CSMD1: variants seen among roughly 807,000 people sequenced by gnomAD.
CSMD1 encodes the protein CUB and Sushi multiple domains 1.
CSMD1 carries 213 observed loss-of-function variants against 417.5 expected under a neutral mutation model. That is an observed-to-expected ratio of 0.51 (90% CI 0.46 to 0.57). CSMD1 has a LOEUF of 0.57. Ranked by LOEUF, CSMD1 falls within the 20% of genes least tolerant of loss-of-function variation. CSMD1 has a pLI of 0.00. For missense variants in CSMD1, 6,923 were observed against 4,529.7 expected (o/e 1.53, Z -15.17); for synonymous variants, 2,862 against 1,736.8 (o/e 1.65, Z -16.11).
chr8:3,399,000 CCAG>C (rs1811871841), intron 16 of CSMD1, among the ~76,000 whole-genome samples: 1 of 152,186 alleles, frequency 6.6e-6, no homozygotes, highest in African/African-American at 2.4e-5. Flanking sequence ...GCAGCCACCA[CCAG>C]AACAGGAGAG....
intron 1 of CSMD1, among the ~76,000 whole-genome samples, chr8:4,728,162 A>C (rs927513957): frequency 2.0e-5 from 3 of 147,290 alleles, no homozygotes; most frequent in African/African-American, 7.4e-5. Flanking sequence ...TATATATTTT[A>C]TATATATATT....
chr8:3,933,902 C>A (rs1056650790), intron 5 of CSMD1, among the ~76,000 whole-genome samples: 1 of 151,956 alleles, frequency 6.6e-6, no homozygotes, highest in Non-Finnish European at 1.5e-5. Flanking sequence ...CTCTAGGCCA[C>A]CTAGTAAATA....
At chr8:4,083,636 A>G (rs12679028) in intron 3 of CSMD1, among the ~76,000 whole-genome samples, 1 of 152,026 alleles carries the variant, frequency 6.6e-6, no homozygotes, top group East Asian at 1.9e-4. Flanking sequence ...CTGGCTAGCC[A>G]TATGTAGAAA....
At position 3,404,211 on chromosome 8, in the gene CSMD1, G is replaced by T. The variant is rs1029192111; in HGVS notation, c.2266+1816C>A. ...TAGCCAGGCGTGGTGGCAGGTGTCT[G>T]TAGTCCCAGTTACTCAGGAAGGCTG... On this transcript the variant is annotated intron_variant, in intron 15 of 69. Transcript: ENST00000635120. 1.8e-4 allele frequency among the ~76,000 whole-genome samples: 28 copies of T among 152,070 alleles called. 1 individual carries two copies. Among genetic ancestry groups the T allele is most frequent in the Non-Finnish European group, 2.9e-5 (2 of 68,028 alleles).
At chr8:4,005,699 T>G (rs192985023) in intron 4 of CSMD1, among the ~76,000 whole-genome samples, 98 of 152,222 alleles carry the variant, frequency 6.4e-4, no homozygotes, top group African/African-American at 2.2e-3. Flanking sequence ...AGAAGAACTT[T>G]CAAGACTCCC....
chr8:4,031,795 G>C (rs139305949), intron 4 of CSMD1, 110 bp downstream of exon 4: 9 of 773,918 alleles, frequency 1.2e-5, no homozygotes, highest in Non-Finnish European at 1.8e-5. Context: ...CATTGTAAGA[G>C]TCAGCTCAAC....
At chr8:3,496,573 T>C (rs1472761548) in intron 10 of CSMD1, among the ~76,000 whole-genome samples, 3 of 152,142 alleles carry the variant, frequency 2.0e-5, no homozygotes, top group Admixed American at 1.3e-4. Context: ...CTATTTTCAT[T>C]TCCCAGCACT....
intron 12 of CSMD1, among the ~76,000 whole-genome samples, chr8:3,443,868 C>G (rs2117073104): frequency 6.6e-6 from 1 of 152,214 alleles, no homozygotes; most frequent in Admixed American, 6.5e-5. Flanking sequence ...GTATTGCTTT[C>G]AAATTTTTCA....
intron 43 of CSMD1, among the ~76,000 whole-genome samples, chr8:3,109,184 G>C (rs1466127034): frequency 6.6e-6 from 1 of 152,296 alleles, no homozygotes; most frequent in African/African-American, 2.4e-5. Context: ...AGAATTGCTT[G>C]AACCCAGGAG....
At chr8:3,427,814 G>C (rs7003054) in intron 12 of CSMD1, among the ~76,000 whole-genome samples, 12,377 of 152,260 alleles carry the variant, frequency 0.081, 624 homozygotes, top group Middle Eastern at 0.19. Context: ...ACCCTCTCTA[G>C]AGGACCAATT....
chr8:3,354,892 T>TATCTATAGATATCTAG (rs1808662770), intron 21 of CSMD1, among the ~76,000 whole-genome samples: 1 of 150,114 alleles, frequency 6.7e-6, no homozygotes, highest in African/African-American at 2.4e-5. Flanking sequence ...TAGATATGTC[T>TATCTATAGATATCTAG]ATCTATAGAT....
At chr8:3,918,490 T>C (rs987223047) in intron 5 of CSMD1, among the ~76,000 whole-genome samples, 1 of 152,214 alleles carries the variant, frequency 6.6e-6, no homozygotes, top group Admixed American at 6.5e-5. Flanking sequence ...TTTGTATGTC[T>C]TTGCAGATAT....
chr8:4,150,025 A>G (rs1007864544), intron 3 of CSMD1, among the ~76,000 whole-genome samples: 2 of 152,208 alleles, frequency 1.3e-5, no homozygotes, highest in South Asian at 2.1e-4. Context: ...AATATCCTCA[A>G]CGCTGCACGT....
chr8:3,885,203 G>T (rs922271581), intron 5 of CSMD1, among the ~76,000 whole-genome samples: 2 of 151,968 alleles, frequency 1.3e-5, no homozygotes, highest in Admixed American at 6.6e-5. Context: ...TCAGAAAAGT[G>T]GAAGATCCCT....
intron 3 of CSMD1, among the ~76,000 whole-genome samples, chr8:4,116,081 C>T (rs1227809700): frequency 6.6e-6 from 1 of 151,880 alleles, no homozygotes; most frequent in Non-Finnish European, 1.5e-5. Context: ...TCACTGCAAC[C>T]TCCGCCTCCT....
chr8:4,059,740 C>A (rs560341805), intron 3 of CSMD1, among the ~76,000 whole-genome samples: 1 of 152,094 alleles, frequency 6.6e-6, no homozygotes, highest in South Asian at 2.1e-4. Context: ...AAGACTAAAC[C>A]AGGAAGAAGT....
intron 2 of CSMD1, among the ~76,000 whole-genome samples, chr8:4,578,320 G>A (rs553383659): frequency 9.0e-6 from 1 of 111,478 alleles, no homozygotes; most frequent in Non-Finnish European, 1.7e-5. Flanking sequence ...CACCTGCCAC[G>A]ACACCCGGCT....
chr8:3,127,938 A>AGGGAGGGAG (rs1817595613), intron 41 of CSMD1: 1 of 123,136 alleles, frequency 8.1e-6, no homozygotes, highest in African/African-American at 3.2e-5. Context: ...AAGGAAGGGA[A>AGGGAGGGAG]GGAAAGAAGG....
intron 23 of CSMD1, among the ~76,000 whole-genome samples, chr8:3,322,487 T>G (rs772005196): frequency 9.2e-5 from 14 of 152,208 alleles, no homozygotes; most frequent in Non-Finnish European, 1.8e-4. Flanking sequence ...CTAAATTGCC[T>G]TAAGGGTTCT....
Sources: gnomAD v4.1 joint callset for allele counts (sites outside exome capture counted in the v4.1 genomes callset) on GRCh38, gnomAD v4.1.1 for gene constraint, MANE v1.5 for transcripts, NCBI Gene and HGNC (gene_info 2026-07-23, HGNC 2026-07-21) for gene names.